The following FAS variants were observed in gnomAD, a reference collection of about 807,000 sequenced individuals.
The protein encoded by FAS is tumor necrosis factor receptor superfamily member 6.
A neutral mutation model predicts 33.2 loss-of-function variants in FAS; 5 were observed. The observed-to-expected ratio is 0.15, with a 90% CI of 0.08 to 0.32. FAS has a LOEUF of 0.32. FAS is among the 10% of genes least tolerant of loss of function. FAS has a pLI of 1.00. For missense variants in FAS, 339 were observed against 386.0 expected, an observed-to-expected ratio of 0.88 and a Z score of 1.02; for synonymous variants, 131 against 130.7, an observed-to-expected ratio of 1.00 and a Z score of -0.01.
intron 1 of FAS, among the ~76,000 whole-genome samples, chr10:89,000,778 G>A (rs1847878422): frequency 6.6e-6 from 1 of 152,152 alleles, no homozygotes; most frequent in African/African-American, 2.4e-5. Flanking sequence ...CGGGTGCGTT[G>A]GCTCATGCCT....
intron 8 of FAS, 86 bp downstream of exon 8, chr10:89,013,453 C>A: frequency 8.0e-7 from 1 of 1,246,180 alleles, no homozygotes; most frequent in Non-Finnish European, 1.2e-6. Context: ...TTACTAATTT[C>A]AGTGACATAT....
intron 2 of FAS, among the ~76,000 whole-genome samples, chr10:88,979,867 ACATGTGTAAAG>A (rs1198193293): frequency 6.6e-6 from 1 of 152,226 alleles, no homozygotes; most frequent in Non-Finnish European, 1.5e-5. Context: ...ACCTCCTCAC[ACATGTGTAAAG>A]CACCTACAAA....
At chr10:89,003,285 TG>T (rs1281732892) in intron 2 of FAS, 91 bp downstream of exon 2, 14 of 1,444,954 alleles carry the variant, frequency 9.7e-6, no homozygotes, top group African/African-American at 2.8e-5. Flanking sequence ...TTACAGTTTT[TG>T]GTTCCCCTAT....
At chr10:88,985,586 C>T (rs915304934), upstream of FAS, among the ~76,000 whole-genome samples, 5 of 152,206 alleles carry the variant, frequency 3.3e-5, no homozygotes, top group Admixed American at 2.0e-4. Context: ...CCATTATCTC[C>T]CTCAAGCTGT....
chr10:88,989,049 TC>T (rs1257352715), upstream of FAS, among the ~76,000 whole-genome samples: 4 of 152,220 alleles, frequency 2.6e-5, no homozygotes, highest in African/African-American at 9.7e-5. Context: ...TAAGTTTAAT[TC>T]CTGACTCTGC....
At chr10:88,986,459 G>T (rs1846887212), upstream of FAS, among the ~76,000 whole-genome samples, 1 of 152,012 alleles carries the variant, frequency 6.6e-6, no homozygotes, top group South Asian at 2.1e-4. Flanking sequence ...TTAATGCATT[G>T]TCTTTTTCAG....
upstream of FAS, among the ~76,000 whole-genome samples, chr10:88,985,844 G>T (rs1447909061): frequency 6.6e-6 from 1 of 152,210 alleles, no homozygotes; most frequent in Non-Finnish European, 1.5e-5. Flanking sequence ...TAGAGAGAAA[G>T]CGCTGCCATG....
upstream of FAS, among the ~76,000 whole-genome samples, chr10:88,985,098 A>C (rs984247975): frequency 1.3e-5 from 2 of 152,220 alleles, no homozygotes; most frequent in Non-Finnish European, 2.9e-5. Context: ...AAAATAATAA[A>C]ATAAATAAAA....
chr10:88,972,244 A>G (rs1846463673), intron 1 of FAS, among the ~76,000 whole-genome samples: 1 of 152,174 alleles, frequency 6.6e-6, no homozygotes, highest in Non-Finnish European at 1.5e-5. Flanking sequence ...AAATGAAATG[A>G]AACAAGGTCC....
chr10:89,012,482 ACTTT>A lies in FAS; in HGVS notation c.651+406_651+409del, dbSNP rs1318621796. 1.4e-5 allele frequency: 3 copies of A among 214,742 alleles called. No individual in the cohort carries two copies. In the Admixed American group the frequency reaches 1.6e-4, roughly 11 times the overall value. The allele number at this position is 214,742 out of a possible 1,614,324, so 13.3% of individuals were successfully genotyped here. A position where few individuals can be genotyped will look rare whatever the true frequency, so the allele number is the denominator to read the frequency against. On this transcript the variant is annotated intron_variant, in intron 7 of 8. Transcript: ENST00000652046. ...TGTGAGCCATCACATCCGGCCTGTT[ACTTT>A]CTTTATTTAAACATTGCTTGTGTTT...
chr10:88,980,561 C>T (rs1011429872), intron 2 of FAS, among the ~76,000 whole-genome samples: 6 of 152,196 alleles, frequency 3.9e-5, no homozygotes, highest in Admixed American at 3.9e-4. Flanking sequence ...TGTTCTTATC[C>T]TGCCTACTGC....
At chr10:89,010,726 T>C (rs772873225) in intron 5 of FAS, 27 bp from the exon 6 acceptor site, 1 of 1,613,822 alleles carries the variant, frequency 6.2e-7, no homozygotes, top group South Asian at 1.1e-5. Context: ...TATTTTCATA[T>C]AAAATGTCCA....
chr10:88,964,224 G>A (rs1286741734), intron 1 of FAS, among the ~76,000 whole-genome samples: 1 of 152,012 alleles, frequency 6.6e-6, no homozygotes, highest in Non-Finnish European at 1.5e-5. Flanking sequence ...TGGAACCCCT[G>A]CAAAAAAAGG....
chr10:88,990,887 T>A lies in FAS; in HGVS notation c.11T>A (p.Ile4Asn). The part of the protein sequence containing the change: MLG[I>N]WTLLPLVLTS... The stretch of plus-strand genomic sequence containing the variant: ...GATTGCTCAACAACCATGCTGGGCA[T>A]CTGGACCCTCCTACCTCTGGTGAGC... Residue 4 changes from isoleucine (I) to asparagine (N), a missense_variant, in exon 1 of 9, where the codon ATC becomes AAC. Transcript: ENST00000652046. The surrounding 1 kb of genome is among the most constrained non-coding windows in gnomAD (Gnocchi z 4.9). 6.2e-7 allele frequency: 1 copy of A among 1,614,206 alleles called. No homozygotes were observed. The highest frequency in any genetic ancestry group is 1.3e-5 in the African/African-American group (1 of 75,066).
chr10:88,970,897 G>GTGTA (rs1384308570), intron 1 of FAS, among the ~76,000 whole-genome samples: 1,946 of 150,474 alleles, frequency 0.013, 45 homozygotes, highest in African/African-American at 0.045. Context: ...GTGTGTGTGT[G>GTGTA]TATATATATA....
In FAS at chr10:89,014,565, A is replaced by C; in HGVS notation, c.*115A>C. On this transcript the variant is annotated 3_prime_UTR_variant, in exon 9 of 9. Transcript: ENST00000652046. ...TACTGGGTACATTTTATCATTTATT[A>C]GCGCTGAAGAGCCAACATATTTGTA... is the stretch of plus-strand genomic sequence containing the variant. 1 of 919,380 alleles carries C rather than the reference A, an allele frequency of 1.1e-6. No homozygotes were observed. The highest frequency in any genetic ancestry group is 1.7e-6 in the Non-Finnish European group (1 of 584,934). The allele number at this position is 919,380 out of a possible 1,614,324, so 57.0% of individuals were successfully genotyped here.
chr10:89,001,602 C>T (rs1237407594), intron 1 of FAS, among the ~76,000 whole-genome samples: 1 of 151,782 alleles, frequency 6.6e-6, no homozygotes. Flanking sequence ...GGCAGAGTTT[C>T]AGTCATTATC....
chr10:88,976,106 G>T (rs986486170), intron 2 of FAS, among the ~76,000 whole-genome samples: 5 of 152,010 alleles, frequency 3.3e-5, no homozygotes, highest in African/African-American at 1.2e-4. Context: ...GTAATACAGG[G>T]GTGTCCAATC....
intron 1 of FAS, among the ~76,000 whole-genome samples, chr10:88,971,623 A>G (rs1438285937): frequency 1.3e-5 from 2 of 152,158 alleles, no homozygotes; most frequent in Non-Finnish European, 2.9e-5. Context: ...AATGCCAACC[A>G]CTTTAAGAGT....
Sources: gnomAD v4.1 joint callset for allele counts (sites outside exome capture counted in the v4.1 genomes callset) on GRCh38, gnomAD v4.1.1 for gene constraint, Gnocchi (gnomAD v3.1) non-coding constraint, MANE v1.5 for transcripts, NCBI Gene and HGNC (gene_info 2026-07-23, HGNC 2026-07-21) for gene names.